CENPP: variants seen among roughly 807,000 people sequenced by gnomAD.
The protein encoded by CENPP is centromere protein P.
CENPP carries 24 observed loss-of-function variants against 35.6 expected under a neutral mutation model. That is an observed-to-expected ratio of 0.67 (90% CI 0.49 to 0.95). The LOEUF (loss-of-function observed/expected upper bound fraction) is 0.95. CENPP is among the 40% of genes least tolerant of loss of function. The pLI, the probability that CENPP is intolerant of heterozygous loss-of-function variation, is 0.00. For synonymous variants in CENPP, 120 were observed against 125.5 expected (o/e 0.96, Z 0.29); for missense variants, 332 against 345.3 (o/e 0.96, Z 0.31).
chr9:92,600,431 C>G (rs1588308368), intron 5 of CENPP: 1 of 1,612,620 alleles, frequency 6.2e-7, no homozygotes, highest in African/African-American at 1.3e-5. Context: ...CTTCCCAAGT[C>G]TGTACAAACA....
chr9:92,390,587 T>TGTGC (rs749697394), intron 5 of CENPP, among the ~76,000 whole-genome samples: 345 of 141,908 alleles, frequency 2.4e-3, no homozygotes, highest in African/African-American at 7.2e-3. Context: ...TGTGTGTGTG[T>TGTGC]GCGCGCGCGC....
intron 5 of CENPP, among the ~76,000 whole-genome samples, chr9:92,511,061 G>C (rs368072486): frequency 6.6e-6 from 1 of 152,152 alleles, no homozygotes; most frequent in Non-Finnish European, 1.5e-5. Flanking sequence ...ACATTTATGA[G>C]TTTTTGTTTA....
In CENPP at chr9:92,342,206, T is replaced by C. The variant is rs940816140; in HGVS notation, c.379-3493T>C. 6.0e-4 allele frequency among the ~76,000 whole-genome samples: 91 copies of C among 152,274 alleles called. 1 individual carries two copies. The highest frequency in any genetic ancestry group is 9.2e-4 in the Admixed American group (14 of 15,288). On this transcript the variant is annotated intron_variant, in intron 3 of 7. Transcript: ENST00000375587. ...GTTGTACATTCATCATTTTCACTTA[T>C]ATTCTATTGGCCAACAAGTTCATGC...
intron 5 of CENPP, among the ~76,000 whole-genome samples, chr9:92,571,636 G>A (rs1474821935): frequency 6.6e-6 from 1 of 152,134 alleles, no homozygotes; most frequent in East Asian, 1.9e-4. Context: ...GGATATCCTT[G>A]TTAACTTTCT....
In CENPP at chr9:92,326,040, G is replaced by A; in HGVS notation, c.42G>A (p.Glu14=). 1.3e-6 allele frequency: 2 copies of A among 1,562,352 alleles called. No homozygotes were observed. Among genetic ancestry groups the A allele is most frequent in the South Asian group, 2.4e-5 (2 of 84,740 alleles). The change falls in exon 1 of 8, where the codon GAG becomes GAA. Residue 14 remains glutamate, a synonymous_variant. Transcript: ENST00000375587. ...CAGAGGTGCGCGCCTTGCAAGCTGA[G>A]ATCGCGGCCCTGCGGCGAGCGTGTG... ...ELAEVRALQA[E]IAALRRACED... is the part of the protein sequence containing the mutation.
intron 5 of CENPP, among the ~76,000 whole-genome samples, chr9:92,548,016 T>G (rs1016861872): frequency 6.6e-6 from 1 of 152,240 alleles, no homozygotes; most frequent in East Asian, 1.9e-4. Flanking sequence ...TATGTGGATA[T>G]GTATGTAAAA....
chr9:92,343,328 A>G (rs1462481300), intron 3 of CENPP, among the ~76,000 whole-genome samples: 1 of 152,134 alleles, frequency 6.6e-6, no homozygotes, highest in Non-Finnish European at 1.5e-5. Context: ...TGTTGGCCAG[A>G]TTTACTTTCT....
chr9:92,386,230 G>A (rs765796154), intron 5 of CENPP: 1 of 1,612,932 alleles, frequency 6.2e-7, no homozygotes, highest in Non-Finnish European at 8.5e-7. Flanking sequence ...AGACTTTCTG[G>A]TAAATTAAGA....
At chr9:92,495,598 C>A in intron 5 of CENPP, 3 of 970,048 alleles carry the variant, frequency 3.1e-6, no homozygotes, top group Non-Finnish European at 3.7e-6. Context: ...TCTTAATATA[C>A]TGTTTAACTT....
At chr9:92,427,699 C>T (rs986820213) in intron 5 of CENPP, among the ~76,000 whole-genome samples, 8 of 139,582 alleles carry the variant, frequency 5.7e-5, no homozygotes, top group East Asian at 4.5e-4. Context: ...AGGCAGGTCT[C>T]GAGCTCCTGA....
intron 5 of CENPP, among the ~76,000 whole-genome samples, chr9:92,526,814 G>A (rs1848442911): frequency 6.6e-6 from 1 of 152,042 alleles, no homozygotes; most frequent in South Asian, 2.1e-4. Context: ...GACTCTTAGT[G>A]TACAGTGTTT....
At chr9:92,358,956 T>C (rs1233440221) in intron 4 of CENPP, among the ~76,000 whole-genome samples, 1 of 149,332 alleles carries the variant, frequency 6.7e-6, no homozygotes, top group Non-Finnish European at 1.5e-5. Flanking sequence ...TTCTTTCTTT[T>C]TTTTTTTTTT....
chr9:92,520,237 T>A (rs1847980887), intron 5 of CENPP, among the ~76,000 whole-genome samples: 1 of 151,546 alleles, frequency 6.6e-6, no homozygotes, highest in African/African-American at 2.4e-5. Flanking sequence ...GAGCTATGAT[T>A]GTACCACCGT....
Position 92,352,505 on chromosome 9 carries a change from G to GTGTGTATATATA in CENPP, c.467+6719_467+6720insGTGTATATATAT. Among the ~76,000 whole-genome samples the GTGTGTATATATA allele has an allele frequency of 1.2e-4, 6 of 49,784 alleles. 1 individual carries two copies. The highest frequency in any genetic ancestry group is 5.4e-4 in the African/African-American group (3 of 5,544). 32.7% of individuals were successfully genotyped at this position (49,784 alleles called of 152,430 possible). A position where few individuals can be genotyped will look rare whatever the true frequency, so the allele number is the denominator to read the frequency against. On this transcript the variant is annotated intron_variant, in intron 4 of 7. Coordinates refer to ENST00000375587, the MANE Select transcript of CENPP (RefSeq NM_001012267.3). ...TGTGTGTGTGTGTGTGTGTGTGTGT[G>GTGTGTATATATA]TATACATATATATATATATATATAT...
rs189174992 is a variant in CENPP, at chr9:92,511,536, A to C, written c.565-99778A>C. On this transcript the variant is annotated intron_variant, in intron 5 of 7. Coordinates refer to ENST00000375587, the MANE Select transcript of CENPP (RefSeq NM_001012267.3). ...CCCTCTTCTTCCCCAAGCTATCCCTAATTTTTATATGAGCCTATTTGTTTT... is the reference window on the plus strand; with the variant it reads ...CCCTCTTCTTCCCCAAGCTATCCCTCATTTTTATATGAGCCTATTTGTTTT... 1.7e-3 allele frequency among the ~76,000 whole-genome samples: 262 copies of C among 151,326 alleles called. 1 individual carries two copies. Among genetic ancestry groups the C allele is most frequent in the African/African-American group, 6.0e-3 (247 of 41,186 alleles).
chr9:92,552,004 G>GATAGACC (rs1849612394), intron 5 of CENPP, among the ~76,000 whole-genome samples: 1 of 138,728 alleles, frequency 7.2e-6, no homozygotes, highest in Non-Finnish European at 1.6e-5. Flanking sequence ...ATATATATGT[G>GATAGACC]TATATATATG....
At chr9:92,379,729 T>C (rs750046294) in intron 4 of CENPP, 34 bp from the exon 5 acceptor site, 8 of 1,440,650 alleles carry the variant, frequency 5.6e-6, no homozygotes, top group Non-Finnish European at 6.8e-6. Flanking sequence ...CATTTAATGA[T>C]ATTTATTAAT....
At chr9:92,390,587 T>TGTGTGTGTGCGCGC (rs749697394) in intron 5 of CENPP, among the ~76,000 whole-genome samples, 1,677 of 141,868 alleles carry the variant, frequency 0.012, 19 homozygotes, top group South Asian at 0.049. Context: ...TGTGTGTGTG[T>TGTGTGTGTGCGCGC]GCGCGCGCGC....
At chr9:92,526,777 TAAA>T (rs556343494) in intron 5 of CENPP, among the ~76,000 whole-genome samples, 2 of 151,996 alleles carry the variant, frequency 1.3e-5, no homozygotes, top group Admixed American at 6.6e-5. Context: ...ATTGAAGAAA[TAAA>T]AAAACTTTTT....
Sources: allele counts gnomAD v4.1 joint callset (sites outside exome capture counted in the v4.1 genomes callset), GRCh38; gene constraint gnomAD v4.1.1; transcripts MANE v1.5; gene names NCBI Gene and HGNC (gene_info 2026-07-23, HGNC 2026-07-21).